The following SMURF2 variants were observed in gnomAD, a reference collection of about 807,000 sequenced individuals.
SMURF2 encodes the protein SMAD specific E3 ubiquitin protein ligase 2.
A neutral mutation model predicts 109.6 loss-of-function variants in SMURF2; 48 were observed. That is an observed-to-expected ratio of 0.44 (90% confidence interval 0.35 to 0.56). SMURF2 has a LOEUF of 0.56. Among genes scored for constraint, SMURF2 ranks in the 20% least tolerant of loss-of-function variants. The pLI is 0.01. For missense variants in SMURF2, 575 were observed against 909.0 expected (o/e 0.63, Z 4.72); for synonymous variants, 288 against 317.1 (o/e 0.91, Z 0.97).
At chr17:64,629,613 CA>C (rs1970311107) in intron 1 of SMURF2, among the ~76,000 whole-genome samples, 2 of 152,158 alleles carry the variant, frequency 1.3e-5, no homozygotes, top group African/African-American at 4.8e-5. Flanking sequence ...CATTTGTAAT[CA>C]GAAGATTTTA....
chr17:64,549,012 GGTA>G (rs1382845975), intron 16 of SMURF2, among the ~76,000 whole-genome samples: 2 of 151,914 alleles, frequency 1.3e-5, no homozygotes, highest in African/African-American at 4.8e-5. Flanking sequence ...GGTAGGGTGT[GGTA>G]GCTCACGCCT....
At chr17:64,613,607 G>A (rs1555689753) in intron 1 of SMURF2, among the ~76,000 whole-genome samples, 1 of 151,020 alleles carries the variant, frequency 6.6e-6, no homozygotes, top group African/African-American at 2.4e-5. Flanking sequence ...CTTTTTCCTA[G>A]ACCGCAGTCC....
chr17:64,550,757 CAAA>C (rs146307567), intron 16 of SMURF2, among the ~76,000 whole-genome samples: 6 of 69,696 alleles, frequency 8.6e-5, no homozygotes, highest in Non-Finnish European at 7.0e-5. Context: ...ACTCTGTCTC[CAAA>C]AAAAAAAAAA....
chr17:64,618,669 C>A (rs1266792386), intron 1 of SMURF2, among the ~76,000 whole-genome samples: 1 of 152,152 alleles, frequency 6.6e-6, no homozygotes, highest in Non-Finnish European at 1.5e-5. Flanking sequence ...TTAAATTAAA[C>A]CACACAATTT....
chr17:64,626,060 G>A (rs1970264883), intron 1 of SMURF2, among the ~76,000 whole-genome samples: 1 of 151,900 alleles, frequency 6.6e-6, no homozygotes, highest in African/African-American at 2.4e-5. Context: ...GATCACTTGA[G>A]GTCAGGAGTT....
At chr17:64,587,993 G>A (rs1427196490) in intron 5 of SMURF2, among the ~76,000 whole-genome samples, 1 of 148,628 alleles carries the variant, frequency 6.7e-6, no homozygotes, top group African/African-American at 2.5e-5. Flanking sequence ...CCCACCATGG[G>A]CTATCACACA....
rs957434974 is a variant in SMURF2, at chr17:64,542,384, C to T, written c.*3464G>A. On this transcript the variant is annotated 3_prime_UTR_variant, in exon 19 of 19. Transcript: ENST00000262435. ...AGTTAATTTTTAAAAACCATTTATACAGATGTTACTGATAAAGCTCATGTA... is the reference window on the plus strand; with the variant it reads ...AGTTAATTTTTAAAAACCATTTATATAGATGTTACTGATAAAGCTCATGTA... The T allele has an allele frequency of 6.6e-6, 1 of 152,078 alleles. No individual in the cohort carries two copies. Among genetic ancestry groups the T allele is most frequent in the African/African-American group, 2.4e-5 (1 of 41,390 alleles). 9.4% of individuals were successfully genotyped at this position (152,078 alleles called of 1,614,324 possible). A position where few individuals can be genotyped will look rare whatever the true frequency, so the allele number is the denominator to read the frequency against.
At chr17:64,573,153 GAGGAGGA>G (rs1969427544) in intron 9 of SMURF2, 5 of 53,054 alleles carry the variant, frequency 9.4e-5, no homozygotes, top group Admixed American at 2.2e-4. Flanking sequence ...GGAGGAGGAG[GAGGAGGA>G]GGGGGAGGAG....
chr17:64,586,913 C>A (rs1303718118), intron 5 of SMURF2, among the ~76,000 whole-genome samples: 1 of 152,040 alleles, frequency 6.6e-6, no homozygotes, highest in African/African-American at 2.4e-5. Flanking sequence ...TGCCTGTAAT[C>A]CCAGCACTTT....
intron 5 of SMURF2, among the ~76,000 whole-genome samples, chr17:64,590,797 A>G (rs1381182380): frequency 6.6e-6 from 1 of 152,224 alleles, no homozygotes. Flanking sequence ...GTAAACTTTA[A>G]TAACATTTAT....
At chr17:64,636,602 CAAAAAAAAAAA>C (rs782425202) in intron 1 of SMURF2, among the ~76,000 whole-genome samples, 14 of 38,742 alleles carry the variant, frequency 3.6e-4, no homozygotes, top group African/African-American at 6.3e-4. Flanking sequence ...GACTCTGCCT[CAAAAAAAAAAA>C]AAAAAAAAAA....
chr17:64,652,393 G>A (rs1970652448), intron 1 of SMURF2, among the ~76,000 whole-genome samples: 1 of 152,202 alleles, frequency 6.6e-6, no homozygotes. Context: ...AATCAAGACA[G>A]CATAGTGTTA....
At position 64,634,850 on chromosome 17, in the gene SMURF2, T is replaced by C. The variant is rs184828613; in HGVS notation, c.52+26979A>G. Among the ~76,000 whole-genome samples the C allele has an allele frequency of 6.2e-3, 945 of 152,318 alleles. 13 individuals are homozygous for C. The highest frequency in any genetic ancestry group is 0.021 in the African/African-American group (862 of 41,570). Reference sequence around the variant, plus strand: ...TTCAGATTTCATGAAGCCTGGAGTTTACAGAGTTTGGAGGCTCCATTTTAA... The same window carrying C: ...TTCAGATTTCATGAAGCCTGGAGTTCACAGAGTTTGGAGGCTCCATTTTAA... On this transcript the variant is annotated intron_variant, in intron 1 of 18. Transcript: ENST00000262435.
chr17:64,545,991 A>G (rs2144580694), intron 18 of SMURF2, 44 bp from the exon 19 acceptor site: 1 of 1,270,410 alleles, frequency 7.9e-7, no homozygotes, highest in East Asian at 2.3e-5. Flanking sequence ...ATTCAAAATA[A>G]GTAAACTGGC....
chr17:64,636,602 CAAAAA>C (rs782425202), intron 1 of SMURF2, among the ~76,000 whole-genome samples: 2 of 38,744 alleles, frequency 5.2e-5, no homozygotes, highest in African/African-American at 8.9e-5. Context: ...GACTCTGCCT[CAAAAA>C]AAAAAAAAAA....
chr17:64,638,062 CT>C (rs1195172818), intron 1 of SMURF2, among the ~76,000 whole-genome samples: 7,223 of 102,196 alleles, frequency 0.071, 198 homozygotes, highest in African/African-American at 0.26. Flanking sequence ...TTTCCTTTTT[CT>C]TTTTTTTTTT....
In SMURF2 at chr17:64,662,253, C is replaced by A. The variant is rs1331898249; in HGVS notation, c.-373G>T. The A allele has an allele frequency of 1.0e-6, 1 of 983,202 alleles. No individual in the cohort carries two copies. The highest frequency in any genetic ancestry group is 1.2e-6 in the Non-Finnish European group (1 of 829,180). The allele number at this position is 983,202 out of a possible 1,614,324, so 60.9% of individuals were successfully genotyped here. On this transcript the variant is annotated 5_prime_UTR_variant, in exon 1 of 19. Transcript: ENST00000262435. ...GGCTGAAGCGGGCGGTGCTCGGGGG[C>A]GCCGGAGCAGAACTCTGGGCTCGGC...
chr17:64,582,184 G>A (rs988654207), intron 7 of SMURF2, among the ~76,000 whole-genome samples: 1 of 152,134 alleles, frequency 6.6e-6, no homozygotes, highest in Non-Finnish European at 1.5e-5. Context: ...TTGGCAACAT[G>A]AGCTAAGCTT....
chr17:64,658,909 T>C (rs181440821), intron 1 of SMURF2, among the ~76,000 whole-genome samples: 1 of 152,288 alleles, frequency 6.6e-6, no homozygotes, highest in Non-Finnish European at 1.5e-5. Context: ...TGATCATATG[T>C]TAATGTGTCA....
Sources: allele counts gnomAD v4.1 joint callset (sites outside exome capture counted in the v4.1 genomes callset), GRCh38; gene constraint gnomAD v4.1.1; transcripts MANE v1.5; gene names NCBI Gene and HGNC (gene_info 2026-07-23, HGNC 2026-07-21).